Variants in RHAG observed in about 807,000 individuals in gnomAD.
RHAG encodes ammonium transporter Rh type A.
RHAG carries 25 observed loss-of-function variants against 42.4 expected under a neutral mutation model. That is an observed-to-expected ratio of 0.59 (90% CI 0.43 to 0.82). The LOEUF (loss-of-function observed/expected upper bound fraction) is 0.82, where lower values mean the gene tolerates loss of function less well. RHAG is among the 40% of genes least tolerant of loss of function. The pLI, the probability that RHAG is intolerant of heterozygous loss-of-function variation, is 0.00. For synonymous variants in RHAG, 182 were observed against 177.7 expected, an observed-to-expected ratio of 1.02 and a Z score of -0.19; for missense variants, 483 against 504.6, an observed-to-expected ratio of 0.96 and a Z score of 0.41.
intron 1 of RHAG, among the ~76,000 whole-genome samples, chr6:49,632,951 T>C (rs1196598801): frequency 1.3e-5 from 2 of 152,130 alleles, no homozygotes; most frequent in African/African-American, 2.4e-5. Context: ...CCATGGAGTA[T>C]AGCTAGTTTA....
chr6:49,624,914 C>A lies in RHAG; in HGVS notation c.158-5552G>T, dbSNP rs140001445. 1.1e-3 allele frequency among the ~76,000 whole-genome samples: 162 copies of A among 152,256 alleles called. 1 individual carries two copies. The highest frequency in any genetic ancestry group is 3.7e-3 in the African/African-American group (155 of 41,536). Reference sequence around the variant, plus strand: ...CTATTAGTTGATGACATGCATAAAACCCCCCATATTATCAGCTGTGTAAAA... The same window carrying A: ...CTATTAGTTGATGACATGCATAAAAACCCCCATATTATCAGCTGTGTAAAA... On this transcript the variant is annotated intron_variant, in intron 1 of 9. Transcript: ENST00000371175.
At chr6:49,624,158 G>C (rs762029993) in intron 1 of RHAG, among the ~76,000 whole-genome samples, 15 of 151,330 alleles carry the variant, frequency 9.9e-5, no homozygotes, top group Non-Finnish European at 1.8e-4. Flanking sequence ...TCCTGGCTGT[G>C]ATAAGTTGTG....
In RHAG at chr6:49,606,703, T is replaced by C. The variant is rs1047185427; in HGVS notation, c.1212+145A>G. 1.4e-5 allele frequency: 10 copies of C among 699,724 alleles called. No homozygotes were observed. The Admixed American group carries it at 1.8e-4, about 13-fold the overall frequency. The allele number at this position is 699,724 out of a possible 1,614,324, so 43.3% of individuals were successfully genotyped here. The stretch of plus-strand genomic sequence containing the variant: ...CTCCAGCCTCAGCCGCCCAACGTGC[T>C]GAGATTACATGTGTGAGCTACCTAC... On this transcript the variant is annotated intron_variant, in intron 9 of 9. Coordinates refer to ENST00000371175, the MANE Select transcript of RHAG (RefSeq NM_000324.3).
intron 1 of RHAG, among the ~76,000 whole-genome samples, chr6:49,620,523 TTCTC>T (rs760180689): frequency 2.0e-5 from 3 of 151,576 alleles, no homozygotes; most frequent in Non-Finnish European, 4.4e-5. Flanking sequence ...GCACCATAGT[TTCTC>T]TCTCTCTCTT....
intron 1 of RHAG, among the ~76,000 whole-genome samples, chr6:49,624,519 A>G (rs752010937): frequency 6.6e-6 from 1 of 152,174 alleles, no homozygotes; most frequent in Non-Finnish European, 1.5e-5. Flanking sequence ...TCACATTTAG[A>G]GAGGCATCAC....
intron 6 of RHAG, 52 bp downstream of exon 6, chr6:49,612,345 G>A (rs1762582216): frequency 6.3e-7 from 1 of 1,593,102 alleles, no homozygotes; most frequent in South Asian, 1.1e-5. Context: ...TGGGACATGT[G>A]AGAAAAAAGG....
chr6:49,615,490 A>C, intron 4 of RHAG, 134 bp downstream of exon 4: 1 of 980,850 alleles, frequency 1.0e-6, no homozygotes, highest in South Asian at 1.3e-5. Flanking sequence ...CCTCCTGAGT[A>C]GCTGAGGATA....
At position 49,614,377 on chromosome 6, in the gene RHAG, T is replaced by C. The variant is rs973041309; in HGVS notation, c.807+310A>G. On this transcript the variant is annotated intron_variant, in intron 5 of 9. Coordinates refer to ENST00000371175, the MANE Select transcript of RHAG (RefSeq NM_000324.3). Reference sequence around the variant, plus strand: ...CTGGCTAATTTTTTTTTTTTTTGTATTTTTAGTAGTCACAGGGTTTCTCCA... The same window carrying C: ...CTGGCTAATTTTTTTTTTTTTTGTACTTTTAGTAGTCACAGGGTTTCTCCA... 4.0e-5 allele frequency among the ~76,000 whole-genome samples: 6 copies of C among 151,356 alleles called. No individual in the cohort carries two copies. The South Asian group carries it at 1.3e-3, about 32-fold the overall frequency.
chr6:49,605,691 C>T lies in RHAG; in HGVS notation c.*122G>A, dbSNP rs2127348911. 1.1e-6 allele frequency: 1 copy of T among 934,546 alleles called. No homozygotes were observed. The highest frequency in any genetic ancestry group is 2.4e-5 in the East Asian group (1 of 41,606). 57.9% of individuals were successfully genotyped at this position (934,546 alleles called of 1,614,324 possible). On this transcript the variant is annotated 3_prime_UTR_variant, in exon 10 of 10. Coordinates refer to ENST00000371175, the MANE Select transcript of RHAG (RefSeq NM_000324.3). ...TGGTCCATACTCTCTTTGGTTACTC[C>T]CTTTTTGTTTATTTGGACTTGATTC...
intron 3 of RHAG, among the ~76,000 whole-genome samples, chr6:49,616,507 T>G (rs960452366): frequency 2.6e-5 from 4 of 152,182 alleles, no homozygotes; most frequent in Admixed American, 1.3e-4. Context: ...AATTCTGCTC[T>G]ATGATGACAT....
intron 1 of RHAG, among the ~76,000 whole-genome samples, chr6:49,634,932 A>G (rs1351238631): frequency 7.8e-6 from 1 of 128,556 alleles, no homozygotes; most frequent in Admixed American, 8.6e-5. Flanking sequence ...TTACCTCTAC[A>G]TTGTTATTAT....
intron 1 of RHAG, among the ~76,000 whole-genome samples, chr6:49,628,159 CACAG>C (rs375565564): frequency 0.024 from 2,994 of 123,556 alleles, 96 homozygotes; most frequent in African/African-American, 0.086. Flanking sequence ...CACACACACA[CACAG>C]AGAGAGAGAG....
intron 4 of RHAG, 69 bp downstream of exon 4, chr6:49,615,554 CT>C: frequency 6.4e-7 from 1 of 1,551,056 alleles, no homozygotes; most frequent in Non-Finnish European, 8.9e-7. Flanking sequence ...ATCTCACACC[CT>C]TGTTGAAGTT....
Sources: allele counts gnomAD v4.1 joint callset (sites outside exome capture counted in the v4.1 genomes callset), GRCh38; gene constraint gnomAD v4.1.1; transcripts MANE v1.5; gene names NCBI Gene and HGNC (gene_info 2026-07-23, HGNC 2026-07-21).